Variants in ASRGL1 observed in about 807,000 individuals in gnomAD.
ASRGL1 encodes the protein isoaspartyl peptidase/L-asparaginase.
Under a neutral mutation model 22.4 loss-of-function variants are expected in ASRGL1, and 16 were observed. That is an observed-to-expected ratio of 0.71 (90% CI 0.48 to 1.08). ASRGL1 has a LOEUF of 1.08. ASRGL1 is among the 50% of genes least tolerant of loss of function. The pLI, the probability that ASRGL1 is intolerant of heterozygous loss-of-function variation, is 0.00. For synonymous variants in ASRGL1, 165 were observed against 159.3 expected, an observed-to-expected ratio of 1.04 and a Z score of -0.27; for missense variants, 412 against 410.1, an observed-to-expected ratio of 1.00 and a Z score of -0.04.
chr11:62,337,945 C>G lies in ASRGL1; in HGVS notation c.-33C>G. 6.4e-7 allele frequency: 1 copy of G among 1,564,698 alleles called. No individual in the cohort carries two copies. Among genetic ancestry groups the G allele is most frequent in the Non-Finnish European group, 8.7e-7 (1 of 1,155,448 alleles). The stretch of plus-strand genomic sequence containing the variant: ...TTCCTTGGGCTGGCTTTGGACGACG[C>G]TTTCGCCTTCCTGCTGCCTAGGATC... On this transcript the variant is annotated 5_prime_UTR_variant, in exon 2 of 7. Coordinates refer to ENST00000415229, the MANE Select transcript of ASRGL1 (RefSeq NM_001083926.2).
chr11:62,349,370 T>G (rs993856731), intron 2 of ASRGL1, among the ~76,000 whole-genome samples: 1 of 152,184 alleles, frequency 6.6e-6, no homozygotes, highest in Non-Finnish European at 1.5e-5. Context: ...CTCTGCCCAA[T>G]AGCCCAGGAA....
intron 4 of ASRGL1, among the ~76,000 whole-genome samples, chr11:62,370,205 C>T (rs1158373178): frequency 1.3e-5 from 2 of 152,184 alleles, no homozygotes; most frequent in South Asian, 2.1e-4. Flanking sequence ...GGGATCCACA[C>T]GCCTTCTCTT....
chr11:62,355,243 T>G (rs74621867), intron 2 of ASRGL1, among the ~76,000 whole-genome samples: 1 of 149,816 alleles, frequency 6.7e-6, no homozygotes, highest in Non-Finnish European at 1.5e-5. Flanking sequence ...CTTTTTTTTT[T>G]GAGATGAAGT....
chr11:62,361,066 G>A (rs553032745), intron 4 of ASRGL1, among the ~76,000 whole-genome samples: 1 of 152,216 alleles, frequency 6.6e-6, no homozygotes, highest in South Asian at 2.1e-4. Flanking sequence ...CAAAAATAAT[G>A]AAAGTAATGA....
chr11:62,379,685 G>A (rs1028641567), intron 4 of ASRGL1, among the ~76,000 whole-genome samples: 1 of 152,202 alleles, frequency 6.6e-6, no homozygotes, highest in Non-Finnish European at 1.5e-5. Context: ...GAGACTGCTT[G>A]TATAGTACAT....
intron 4 of ASRGL1, chr11:62,382,588 C>G (rs1346183872): frequency 1.3e-5 from 2 of 151,814 alleles, no homozygotes; most frequent in Non-Finnish European, 2.9e-5. Flanking sequence ...GAGACAGATG[C>G]CTTCCTCTTA....
At chr11:62,342,535 T>A (rs181351836) in intron 2 of ASRGL1, among the ~76,000 whole-genome samples, 1 of 152,258 alleles carries the variant, frequency 6.6e-6, no homozygotes, top group East Asian at 1.9e-4. Flanking sequence ...GGCGGGTGGA[T>A]CATTTGAGAC....
chr11:62,364,484 C>A (rs1946563123), intron 4 of ASRGL1, among the ~76,000 whole-genome samples: 1 of 152,108 alleles, frequency 6.6e-6, no homozygotes, highest in South Asian at 2.1e-4. Flanking sequence ...CCAGCAATCC[C>A]ACTTCTAGGC....
At chr11:62,365,484 G>A (rs73494068) in intron 4 of ASRGL1, among the ~76,000 whole-genome samples, 33,563 of 151,942 alleles carry the variant, frequency 0.22, 4,429 homozygotes, top group South Asian at 0.36. Flanking sequence ...AACCTGGGAG[G>A]CAGAGGTTGC....
intron 4 of ASRGL1, among the ~76,000 whole-genome samples, chr11:62,378,815 T>G (rs773453336): frequency 2.6e-5 from 4 of 152,170 alleles, no homozygotes; most frequent in Non-Finnish European, 5.9e-5. Flanking sequence ...GGCCACTGAT[T>G]TACCCATACC....
chr11:62,362,957 C>A (rs1298572635), intron 4 of ASRGL1, among the ~76,000 whole-genome samples: 1 of 102,540 alleles, frequency 9.8e-6, no homozygotes, highest in Non-Finnish European at 1.7e-5. Flanking sequence ...CTTGCTGTGT[C>A]ACCCAGGCTG....
At chr11:62,377,547 CAG>C (rs769207810) in intron 4 of ASRGL1, among the ~76,000 whole-genome samples, 14 of 152,152 alleles carry the variant, frequency 9.2e-5, no homozygotes, top group Non-Finnish European at 1.9e-4. Context: ...TAAACACCGT[CAG>C]AGCATTTTCT....
intron 2 of ASRGL1, among the ~76,000 whole-genome samples, chr11:62,342,308 GGGCAAA>G (rs1945885024): frequency 1.3e-5 from 2 of 152,176 alleles, no homozygotes; most frequent in Admixed American, 1.3e-4. Flanking sequence ...AAGCCTTCCA[GGGCAAA>G]TATTTAGGCT....
At chr11:62,391,425 A>T in intron 5 of ASRGL1, 97 bp from the exon 6 acceptor site, 1 of 1,469,262 alleles carries the variant, frequency 6.8e-7, no homozygotes, top group Non-Finnish European at 9.1e-7. Context: ...GTACTTGAGC[A>T]CCCTTCGCGA....
rs923887091 is a variant in ASRGL1 at position 62,371,234 on chromosome 11, G to A, written c.491+14090G>A. The A allele has an allele frequency of 1.2e-5, 15 of 1,265,230 alleles. No homozygotes were observed. In the African/African-American group the frequency reaches 1.6e-4, roughly 13 times the overall value. The allele number at this position is 1,265,230 out of a possible 1,614,324, so 78.4% of individuals were successfully genotyped here. A position where few individuals can be genotyped will look rare whatever the true frequency, so the allele number is the denominator to read the frequency against. ...CAGGAAACGTGGCGGCCCCGCAGCCGGAAGCGCGAGCCTCCCGAGCGCTGC... is the reference window on the plus strand; with the variant it reads ...CAGGAAACGTGGCGGCCCCGCAGCCAGAAGCGCGAGCCTCCCGAGCGCTGC... On this transcript the variant is annotated intron_variant, in intron 4 of 6. Coordinates refer to ENST00000415229, the MANE Select transcript of ASRGL1 (RefSeq NM_001083926.2).
At chr11:62,384,193 T>C (rs1448551876) in intron 4 of ASRGL1, among the ~76,000 whole-genome samples, 3 of 151,310 alleles carry the variant, frequency 2.0e-5, no homozygotes, top group African/African-American at 7.3e-5. Flanking sequence ...TGGGCAACAG[T>C]GCAAGACTCC....
At chr11:62,364,272 T>C (rs1294643934) in intron 4 of ASRGL1, among the ~76,000 whole-genome samples, 2 of 152,082 alleles carry the variant, frequency 1.3e-5, no homozygotes, top group South Asian at 4.1e-4. Flanking sequence ...CATGTGTGCG[T>C]GTATGTGTGT....
intron 5 of ASRGL1, among the ~76,000 whole-genome samples, chr11:62,390,439 A>T (rs1466255041): frequency 6.6e-6 from 1 of 152,192 alleles, no homozygotes; most frequent in Non-Finnish European, 1.5e-5. Context: ...ACTTGTCCTG[A>T]GAAGTGCATG....
rs111640978 is a variant in ASRGL1, at chr11:62,346,696, G to A, written c.190+8529G>A. Among the ~76,000 whole-genome samples, 246 of 152,260 alleles carry A rather than the reference G, an allele frequency of 1.6e-3. 1 individual carries two copies. Among genetic ancestry groups the A allele is most frequent in the East Asian group, 7.2e-3 (37 of 5,168 alleles). Reference sequence around the variant, plus strand: ...ACTTAAGATAACATCTGGGTCAGGCGCAGTGACTCACACCTGTAATCCCAG... The same window carrying A: ...ACTTAAGATAACATCTGGGTCAGGCACAGTGACTCACACCTGTAATCCCAG... On this transcript the variant is annotated intron_variant, in intron 2 of 6. Coordinates refer to ENST00000415229, the MANE Select transcript of ASRGL1 (RefSeq NM_001083926.2).
Sources: allele counts gnomAD v4.1 joint callset (sites outside exome capture counted in the v4.1 genomes callset), GRCh38; gene constraint gnomAD v4.1.1; transcripts MANE v1.5; gene names NCBI Gene and HGNC (gene_info 2026-07-23, HGNC 2026-07-21).